Variants in XPO6 observed in about 807,000 individuals in gnomAD.
The protein encoded by XPO6 is exportin 6.
In XPO6, 3 loss-of-function variants were observed where a neutral mutation model predicts 130.0. The ratio of observed to expected loss-of-function variants is 0.02; its 90% CI spans 0.01 to 0.06. XPO6 has a LOEUF of 0.06. XPO6 is among the 10% of genes least tolerant of loss of function. The probability of loss-of-function intolerance (pLI) is 1.00; values close to 1 mark genes in which losing one functional copy is unlikely to be tolerated. For missense variants in XPO6, 970 were observed against 1,393.0 expected (o/e 0.70, Z 4.83); for synonymous variants, 524 against 548.9 (o/e 0.95, Z 0.63).
In XPO6 at chr16:28,101,548, A is replaced by C; in HGVS notation, c.3186T>G (p.Phe1062Leu). The change falls in exon 23 of 24, where the codon TTT becomes TTG. Residue 1062 changes from phenylalanine to leucine, a missense_variant. Transcript: ENST00000304658. The surrounding 1 kb of genome is among the most constrained non-coding windows in gnomAD (Gnocchi z 5.4). ...TCAGGAACTCTGGGAGGAAGGCGGC[A>C]AAGAAGCCATCAAAGTCGACTGAGG... ...NMASVDFDGFFAAFLPEFLTS... is the reference protein window; with the variant it reads ...NMASVDFDGFLAAFLPEFLTS... The C allele has an allele frequency of 6.2e-7, 1 of 1,614,264 alleles. No individual in the cohort carries two copies.
chr16:28,196,695 C>T (rs2043869392), intron 1 of XPO6, among the ~76,000 whole-genome samples: 1 of 152,130 alleles, frequency 6.6e-6, no homozygotes, highest in Non-Finnish European at 1.5e-5. Flanking sequence ...AAGATTAATG[C>T]CCTCCCTGGC....
intron 1 of XPO6, among the ~76,000 whole-genome samples, chr16:28,208,020 C>CAGGTGT (rs1165595365): frequency 3.6e-4 from 9 of 24,826 alleles, no homozygotes; most frequent in Admixed American, 2.8e-3. Flanking sequence ...GCTGGGCGTG[C>CAGGTGT]CTGTAATCCC....
chr16:28,123,667 CCAAAGTCCCA>C (rs1477238816), intron 13 of XPO6, among the ~76,000 whole-genome samples: 2 of 152,108 alleles, frequency 1.3e-5, no homozygotes, highest in Non-Finnish European at 2.9e-5. Context: ...ACTAAGGTTC[CCAAAGTCCCA>C]CGAAGTCCTC....
chr16:28,184,597 A>G (rs1486010088), intron 1 of XPO6, among the ~76,000 whole-genome samples: 1 of 151,212 alleles, frequency 6.6e-6, no homozygotes, highest in Non-Finnish European at 1.5e-5. Flanking sequence ...TCAACAAATC[A>G]GTAAAAAAAA....
rs570276805 is a variant in XPO6, at chr16:28,113,583, G to C, written c.2005-533C>G. Among the ~76,000 whole-genome samples the C allele has an allele frequency of 2.0e-5, 3 of 152,256 alleles. No individual in the cohort carries two copies. The East Asian group carries it at 5.8e-4, about 29-fold the overall frequency. ...TACAGATGGGACCTAATGCTGGTAAGACTAAGATAAAAACAGCACACCAAA... is the reference window on the plus strand; with the variant it reads ...TACAGATGGGACCTAATGCTGGTAACACTAAGATAAAAACAGCACACCAAA... On this transcript the variant is annotated intron_variant, in intron 15 of 23. Transcript: ENST00000304658.
chr16:28,188,914 C>T (rs1299658049), intron 1 of XPO6, among the ~76,000 whole-genome samples: 1 of 152,100 alleles, frequency 6.6e-6, no homozygotes, highest in Non-Finnish European at 1.5e-5. Flanking sequence ...CCATCTCTCC[C>T]TCCGGTCACT....
chr16:28,116,410 C>T (rs980807214), intron 15 of XPO6, among the ~76,000 whole-genome samples: 3 of 149,922 alleles, frequency 2.0e-5, no homozygotes, highest in African/African-American at 7.4e-5. Flanking sequence ...TGCAGTGAGC[C>T]AAGATCACGC....
At chr16:28,119,461 T>C (rs28620811) in intron 14 of XPO6, among the ~76,000 whole-genome samples, 151,701 of 152,310 alleles carry the variant, frequency 1, 75,556 homozygotes, top group Middle Eastern at 1. Flanking sequence ...GAATCTAATA[T>C]AATGGAAATA....
At chr16:28,191,322 T>A (rs1440331009) in intron 1 of XPO6, among the ~76,000 whole-genome samples, 7 of 152,250 alleles carry the variant, frequency 4.6e-5, no homozygotes, top group Admixed American at 1.3e-4. Flanking sequence ...AAATAGTTAT[T>A]CTGCAGAAAC....
intron 1 of XPO6, among the ~76,000 whole-genome samples, chr16:28,204,389 G>A (rs2043997144): frequency 6.6e-6 from 1 of 151,920 alleles, no homozygotes; most frequent in Non-Finnish European, 1.5e-5. Flanking sequence ...AGGCTTAAAG[G>A]TTTAGTCAAG....
intron 12 of XPO6, among the ~76,000 whole-genome samples, 188 bp from the exon 13 acceptor site, chr16:28,126,036 A>G (rs1226385325): frequency 6.6e-6 from 1 of 152,026 alleles, no homozygotes; most frequent in African/African-American, 2.4e-5. Context: ...CTAACACTAC[A>G]CGTTTGTGCT....
At chr16:28,207,621 C>A (rs2044054715) in intron 1 of XPO6, among the ~76,000 whole-genome samples, 1 of 152,232 alleles carries the variant, frequency 6.6e-6, no homozygotes. Flanking sequence ...CCACCACTAT[C>A]TATCTCTAAG....
intron 1 of XPO6, among the ~76,000 whole-genome samples, chr16:28,196,694 G>A (rs1049978633): frequency 6.6e-6 from 1 of 152,130 alleles, no homozygotes; most frequent in Admixed American, 6.6e-5. Context: ...AAAGATTAAT[G>A]CCCTCCCTGG....
intron 12 of XPO6, among the ~76,000 whole-genome samples, chr16:28,130,352 A>G (rs2042641551): frequency 6.6e-6 from 1 of 152,246 alleles, no homozygotes; most frequent in African/African-American, 2.4e-5. Flanking sequence ...ATGCAAATGA[A>G]GGAAGGCCCA....
At chr16:28,182,568 G>A (rs1213624644) in intron 1 of XPO6, among the ~76,000 whole-genome samples, 3 of 152,160 alleles carry the variant, frequency 2.0e-5, no homozygotes, top group African/African-American at 7.2e-5. Context: ...TTTGTATTTA[G>A]GATAAAGATT....
At chr16:28,113,290 C>T (rs1439877659) in intron 15 of XPO6, among the ~76,000 whole-genome samples, 1 of 152,212 alleles carries the variant, frequency 6.6e-6, no homozygotes, top group Non-Finnish European at 1.5e-5. Flanking sequence ...CAGTCACCAG[C>T]AGCCTTGAAC....
rs552918885 is a variant in XPO6, at chr16:28,107,076, C to A, written c.2497+446G>T. ...CTGCACGCAATCTGCTTGCAAGAGG[C>A]AATGAATATTTGCTGACTGAGAAGT... On this transcript the variant is annotated intron_variant, in intron 18 of 23. Coordinates refer to ENST00000304658, the MANE Select transcript of XPO6 (RefSeq NM_015171.4). Among the ~76,000 whole-genome samples the A allele has an allele frequency of 1.3e-4, 20 of 152,278 alleles. 1 individual carries two copies. In the South Asian group the frequency reaches 4.1e-3, roughly 32 times the overall value.
chr16:28,168,302 C>T (rs2043390254), intron 5 of XPO6, among the ~76,000 whole-genome samples: 1 of 151,920 alleles, frequency 6.6e-6, no homozygotes, highest in African/African-American at 2.4e-5. Flanking sequence ...CTGGGCAATA[C>T]AGGGACTCTA....
chr16:28,108,329 G>A (rs552883506), intron 17 of XPO6, among the ~76,000 whole-genome samples: 1 of 152,320 alleles, frequency 6.6e-6, no homozygotes, highest in South Asian at 2.1e-4. Flanking sequence ...ATGGCACACA[G>A]GGAAAACAGA....
Sources: allele counts gnomAD v4.1 joint callset (sites outside exome capture counted in the v4.1 genomes callset), GRCh38; gene constraint gnomAD v4.1.1; non-coding constraint Gnocchi (gnomAD v3.1); transcripts MANE v1.5; gene names NCBI Gene and HGNC (gene_info 2026-07-23, HGNC 2026-07-21).